The following CELF2 variants were observed in gnomAD, a reference collection of about 807,000 sequenced individuals.
CELF2 encodes CUG triplet repeat RNA-binding protein 2.
In CELF2, 8 loss-of-function variants were observed where a neutral mutation model predicts 62.6. That is an observed-to-expected ratio of 0.13 (90% CI 0.07 to 0.23). The LOEUF is 0.23. Among genes scored for constraint, CELF2 ranks in the 10% least tolerant of loss-of-function variants. CELF2 has a pLI of 1.00. For synonymous variants in CELF2, 258 were observed against 250.0 expected, an observed-to-expected ratio of 1.03 and a Z score of -0.30; for missense variants, 333 against 671.0, an observed-to-expected ratio of 0.50 and a Z score of 5.56.
the CELF2 span, among the ~76,000 whole-genome samples, chr10:10,481,674 A>C: frequency 6.6e-6 from 1 of 152,232 alleles, no homozygotes; most frequent in African/African-American, 2.4e-5. Flanking sequence ...TTGGGTCAGC[A>C]AGTCTTGGGA....
At chr10:10,614,477 G>A in the CELF2 span, among the ~76,000 whole-genome samples, 1 of 152,048 alleles carries the variant, frequency 6.6e-6, no homozygotes, top group African/African-American at 2.4e-5. Flanking sequence ...TACGGCAAAT[G>A]GCTCCATTTA....
intron 3 of CELF2, among the ~76,000 whole-genome samples, chr10:11,235,316 A>G (rs1460768031): frequency 1.3e-5 from 2 of 152,030 alleles, no homozygotes; most frequent in Non-Finnish European, 2.9e-5. Flanking sequence ...TTAACATAAA[A>G]TCTCTCCCAC....
chr10:10,897,914 G>GGCAGA (rs2062675877), intron 1 of CELF2, among the ~76,000 whole-genome samples: 1 of 152,146 alleles, frequency 6.6e-6, no homozygotes, highest in African/African-American at 2.4e-5. Context: ...GACCTCCAGA[G>GGCAGA]GCAGAGGCCA....
the CELF2 span, among the ~76,000 whole-genome samples, chr10:10,753,327 GTGTTA>G: frequency 6.7e-6 from 1 of 148,392 alleles, no homozygotes; most frequent in Admixed American, 6.8e-5. Context: ...GTGTGTGTGT[GTGTTA>G]AGATCAAGAG....
At chr10:10,480,158 T>C in the CELF2 span, among the ~76,000 whole-genome samples, 1 of 152,250 alleles carries the variant, frequency 6.6e-6, no homozygotes, top group African/African-American at 2.4e-5. Context: ...GCAGAATCTT[T>C]AACTTAGTTA....
At chr10:11,293,461 T>G (rs913486371) in intron 9 of CELF2, among the ~76,000 whole-genome samples, 1 of 152,234 alleles carries the variant, frequency 6.6e-6, no homozygotes, top group Non-Finnish European at 1.5e-5. Flanking sequence ...CACATCGTAT[T>G]GCTGAGTAAG....
chr10:11,196,601 T>C, intron 2 of CELF2, among the ~76,000 whole-genome samples: 1 of 151,750 alleles, frequency 6.6e-6, no homozygotes, highest in Admixed American at 6.6e-5. Context: ...CAGGAGTTTG[T>C]GGTTATACTG....
the CELF2 span, among the ~76,000 whole-genome samples, chr10:10,595,576 T>C: frequency 2.6e-5 from 4 of 152,310 alleles, no homozygotes; most frequent in East Asian, 7.7e-4. Context: ...GTCGGTTTAC[T>C]ACTGCCACAG....
At chr10:10,777,590 GGGTCAAAGCCTT>G in the CELF2 span, among the ~76,000 whole-genome samples, 1 of 152,204 alleles carries the variant, frequency 6.6e-6, no homozygotes, top group Admixed American at 6.5e-5. Context: ...TCTGCTGCCT[GGGTCAAAGCCTT>G]GGTCAACTTG....
At chr10:11,116,651 G>C (rs1345214859) in intron 1 of CELF2, among the ~76,000 whole-genome samples, 1 of 152,178 alleles carries the variant, frequency 6.6e-6, no homozygotes, top group Non-Finnish European at 1.5e-5. Context: ...GATGTCCAGT[G>C]GTGGTCCCTT....
the CELF2 span, among the ~76,000 whole-genome samples, chr10:10,594,746 T>G: frequency 2.0e-5 from 3 of 152,312 alleles, no homozygotes; most frequent in Non-Finnish European, 4.4e-5. Flanking sequence ...TCTCAACCCT[T>G]AATTCTCAGG....
At chr10:10,684,025 C>T in the CELF2 span, among the ~76,000 whole-genome samples, 5 of 152,234 alleles carry the variant, frequency 3.3e-5, no homozygotes, top group Admixed American at 1.3e-4. Context: ...AAAAATCGCA[C>T]GTACTTTCTG....
chr10:10,659,668 A>G, the CELF2 span, among the ~76,000 whole-genome samples: 1 of 152,142 alleles, frequency 6.6e-6, no homozygotes, highest in African/African-American at 2.4e-5. Flanking sequence ...CCTAAACAGA[A>G]TTGACTTCCA....
At chr10:10,816,466 GCA>G (rs1345638113) in intron 1 of CELF2, among the ~76,000 whole-genome samples, 1 of 152,150 alleles carries the variant, frequency 6.6e-6, no homozygotes, top group Non-Finnish European at 1.5e-5. Flanking sequence ...TTTTGCTAAT[GCA>G]CAGTTTAATT....
At chr10:11,167,198 T>C (rs1488658354) in intron 2 of CELF2, among the ~76,000 whole-genome samples, 4 of 152,232 alleles carry the variant, frequency 2.6e-5, no homozygotes, top group Admixed American at 1.3e-4. Context: ...GTTTTCCAAA[T>C]GGAGAAGACT....
the CELF2 span, among the ~76,000 whole-genome samples, chr10:10,613,254 C>T: frequency 7.9e-5 from 12 of 151,998 alleles, no homozygotes; most frequent in South Asian, 2.1e-4. Context: ...TGTGGGGGAT[C>T]GGAATATTAT....
chr10:11,279,744 T>C (rs1250131911), intron 8 of CELF2, among the ~76,000 whole-genome samples: 1 of 149,894 alleles, frequency 6.7e-6, no homozygotes, highest in Non-Finnish European at 1.5e-5. Context: ...TTATAAATAA[T>C]TTTTTTTAAA....
chr10:10,823,872 T>G (rs1034215637), intron 1 of CELF2, among the ~76,000 whole-genome samples: 1 of 152,154 alleles, frequency 6.6e-6, no homozygotes, highest in Non-Finnish European at 1.5e-5. Context: ...CCATTAATGT[T>G]TAAGTATGTA....
intron 1 of CELF2, among the ~76,000 whole-genome samples, chr10:10,883,441 A>G (rs2061558627): frequency 6.6e-6 from 1 of 152,210 alleles, no homozygotes; most frequent in Non-Finnish European, 1.5e-5. Context: ...ATCCAATGGC[A>G]GCTCTAACAG....
Sources: gnomAD v4.1 joint callset for allele counts (sites outside exome capture counted in the v4.1 genomes callset) on GRCh38, gnomAD v4.1.1 for gene constraint, MANE v1.5 for transcripts, NCBI Gene and HGNC (gene_info 2026-07-23, HGNC 2026-07-21) for gene names.